IL1R1: variants seen among roughly 807,000 people sequenced by gnomAD.
The protein encoded by IL1R1 is interleukin 1 receptor type 1, also known as interleukin-1 receptor type 1.
A neutral mutation model predicts 50.2 loss-of-function variants in IL1R1; 22 were observed. The ratio of observed to expected loss-of-function variants is 0.44; its 90% confidence interval spans 0.31 to 0.63. The LOEUF (loss-of-function observed/expected upper bound fraction) is 0.63, where lower values mean the gene tolerates loss of function less well. IL1R1 is among the 20% of genes least tolerant of loss of function. IL1R1 has a pLI of 0.07. For missense variants in IL1R1, 509 were observed against 676.2 expected, an observed-to-expected ratio of 0.75 and a Z score of 2.74; for synonymous variants, 251 against 236.7, an observed-to-expected ratio of 1.06 and a Z score of -0.55.
chr2:102,147,131 A>C (rs945167021), intron 1 of IL1R1, among the ~76,000 whole-genome samples: 23 of 152,218 alleles, frequency 1.5e-4, no homozygotes, highest in Non-Finnish European at 2.1e-4. Context: ...GTGAAGGGCC[A>C]CAAGGGAACT....
chr2:102,150,214 G>A (rs950561382), intron 1 of IL1R1, among the ~76,000 whole-genome samples: 1 of 152,192 alleles, frequency 6.6e-6, no homozygotes, highest in African/African-American at 2.4e-5. Context: ...CCCCTGCACT[G>A]GGCCCTAGGC....
chr2:102,092,707 G>T (rs914263607), intron 1 of IL1R1, among the ~76,000 whole-genome samples: 2 of 152,156 alleles, frequency 1.3e-5, no homozygotes, highest in African/African-American at 4.8e-5. Context: ...TTCTAGCAGT[G>T]AACTCTTGCT....
At chr2:102,175,332 T>G in intron 10 of IL1R1, 146 bp from the exon 11 acceptor site, 1 of 660,080 alleles carries the variant, frequency 1.5e-6, no homozygotes, top group Non-Finnish European at 2.7e-6. Flanking sequence ...TTTAAAGGGA[T>G]TATATTTTTG....
chr2:102,073,846 A>C (rs1393360983), intron 1 of IL1R1, among the ~76,000 whole-genome samples: 1 of 152,152 alleles, frequency 6.6e-6, no homozygotes, highest in East Asian at 1.9e-4. Flanking sequence ...ATTAAAAAAA[A>C]ATCTCCCTTT....
intron 1 of IL1R1, among the ~76,000 whole-genome samples, chr2:102,118,979 C>T (rs1050430095): frequency 7.4e-6 from 1 of 135,230 alleles, no homozygotes; most frequent in African/African-American, 2.8e-5. Flanking sequence ...GATCGCTCCA[C>T]TGCTCTCCAG....
intron 1 of IL1R1, among the ~76,000 whole-genome samples, chr2:102,145,938 C>T (rs755273306): frequency 3.9e-5 from 6 of 152,122 alleles, no homozygotes; most frequent in African/African-American, 4.8e-5. Context: ...CCCTGCAGGG[C>T]ACAGCCAGCA....
chr2:102,089,834 CT>C (rs36099195), intron 1 of IL1R1, among the ~76,000 whole-genome samples: 28,445 of 134,016 alleles, frequency 0.21, 2,830 homozygotes, highest in East Asian at 0.49. Flanking sequence ...TTTGGTTTAT[CT>C]TTTTTTTTTT....
At position 102,084,078 on chromosome 2, in the gene IL1R1, C is replaced by T. The variant is rs867803028; in HGVS notation, c.-84+13545C>T. Among the ~76,000 whole-genome samples, 4 of 152,196 alleles carry T rather than the reference C, an allele frequency of 2.6e-5. No homozygotes were observed. The East Asian group carries it at 7.7e-4, about 29-fold the overall frequency. ...ATCTCTTGCGACTCTGAATCTCTTGCGACTCTGAATCTCTCGCAATCTCAA... is the reference window on the plus strand; with the variant it reads ...ATCTCTTGCGACTCTGAATCTCTTGTGACTCTGAATCTCTCGCAATCTCAA... On this transcript the variant is annotated intron_variant, in intron 1 of 11. Transcript: ENST00000409929.
upstream of IL1R1, among the ~76,000 whole-genome samples, chr2:102,102,729 C>A (rs923428686): frequency 6.6e-6 from 1 of 152,022 alleles, no homozygotes; most frequent in Non-Finnish European, 1.5e-5. Context: ...TTCTCAATAG[C>A]AAAGACATGG....
chr2:102,115,791 C>T (rs1007048007), intron 1 of IL1R1, among the ~76,000 whole-genome samples: 1 of 152,110 alleles, frequency 6.6e-6, no homozygotes, highest in Non-Finnish European at 1.5e-5. Flanking sequence ...AAGAGGTAGA[C>T]ATTAGGGAAA....
intron 11 of IL1R1, chr2:102,176,053 T>C (rs1361125211): frequency 2.6e-5 from 12 of 453,122 alleles, no homozygotes; most frequent in Non-Finnish European, 4.7e-5. Context: ...TTGCAGTGGC[T>C]CATGCCTTTT....
chr2:102,127,841 T>C (rs1681809402), intron 1 of IL1R1, among the ~76,000 whole-genome samples: 1 of 152,208 alleles, frequency 6.6e-6, no homozygotes, highest in African/African-American at 2.4e-5. Flanking sequence ...GATTCAAGTT[T>C]GGATAGAACT....
At chr2:102,163,058 C>T (rs1402528821) in intron 3 of IL1R1, among the ~76,000 whole-genome samples, 1 of 151,982 alleles carries the variant, frequency 6.6e-6, no homozygotes, top group Admixed American at 6.6e-5. Flanking sequence ...AGTACTTTAA[C>T]GATATTGTTT....
intron 3 of IL1R1, among the ~76,000 whole-genome samples, chr2:102,163,498 C>G (rs755318209): frequency 8.6e-5 from 13 of 152,006 alleles, no homozygotes; most frequent in Non-Finnish European, 1.3e-4. Flanking sequence ...TCAAATCTGC[C>G]GTGAATCCCA....
intron 1 of IL1R1, among the ~76,000 whole-genome samples, chr2:102,133,697 C>G (rs892025238): frequency 5.9e-5 from 9 of 152,178 alleles, no homozygotes; most frequent in Non-Finnish European, 1.2e-4. Flanking sequence ...AGAAAAAGCA[C>G]TTGGCAAAAT....
intron 7 of IL1R1, among the ~76,000 whole-genome samples, chr2:102,168,915 C>T (rs1173109296): frequency 1.3e-5 from 2 of 152,034 alleles, no homozygotes; most frequent in East Asian, 3.9e-4. Flanking sequence ...ACCAACCAGA[C>T]ACCAAGGTCA....
chr2:102,153,948 C>G lies in IL1R1; in HGVS notation c.-76C>G, dbSNP rs1014895797. On this transcript the variant is annotated 5_prime_UTR_variant, in exon 2 of 12. Transcript: ENST00000410023. ...GTGTTCTTCCTTCCCCAGGTAGACGCACCCTCTGAAGATGGTGACTCCCTC... is the reference window on the plus strand; with the variant it reads ...GTGTTCTTCCTTCCCCAGGTAGACGGACCCTCTGAAGATGGTGACTCCCTC... 1 of 152,314 alleles carries G rather than the reference C, an allele frequency of 6.6e-6. No homozygotes were observed. The highest frequency in any genetic ancestry group is 1.5e-5 in the Non-Finnish European group (1 of 68,054). The allele number at this position is 152,314 out of a possible 1,614,324, so 9.4% of individuals were successfully genotyped here. A position where few individuals can be genotyped will look rare whatever the true frequency, so the allele number is the denominator to read the frequency against.
rs575601756 is a variant in IL1R1 at position 102,172,894 on chromosome 2, A to T, written c.991+56A>T. On this transcript the variant is annotated intron_variant, in intron 9 of 11. Coordinates refer to ENST00000410023, the MANE Select transcript of IL1R1 (RefSeq NM_000877.4). Reference sequence around the variant, plus strand: ...TGTTTTACTGTAGTAAGATTCCATGACTTTGAAGTTTGAAATGCCATTTCC... The same window carrying T: ...TGTTTTACTGTAGTAAGATTCCATGTCTTTGAAGTTTGAAATGCCATTTCC... The T allele has an allele frequency of 2.1e-5, 28 of 1,302,820 alleles. 1 individual carries two copies. The South Asian group carries it at 3.7e-4, about 17-fold the overall frequency. The allele number at this position is 1,302,820 out of a possible 1,614,324, so 80.7% of individuals were successfully genotyped here.
At chr2:102,174,463 T>C in intron 9 of IL1R1, 124 bp from the exon 10 acceptor site, 1 of 629,658 alleles carries the variant, frequency 1.6e-6, no homozygotes, top group Non-Finnish European at 2.6e-6. Flanking sequence ...GTTAATATTG[T>C]CTGAATGCAG....
Sources: allele counts gnomAD v4.1 joint callset (sites outside exome capture counted in the v4.1 genomes callset), GRCh38; gene constraint gnomAD v4.1.1; transcripts MANE v1.5; gene names NCBI Gene and HGNC (gene_info 2026-07-23, HGNC 2026-07-21).